TANC1: variants seen among roughly 807,000 people sequenced by gnomAD.
TANC1 encodes tetratricopeptide repeat, ankyrin repeat and coiled-coil containing 1.
TANC1 carries 77 observed loss-of-function variants against 149.7 expected under a neutral mutation model. The ratio of observed to expected loss-of-function variants is 0.51; its 90% confidence interval spans 0.43 to 0.62. The LOEUF (loss-of-function observed/expected upper bound fraction) is 0.62, where lower values mean the gene tolerates loss of function less well. TANC1 is among the 20% of genes least tolerant of loss of function. TANC1 has a pLI of 0.00. For missense variants in TANC1, 1,985 were observed against 2,321.8 expected, an observed-to-expected ratio of 0.85 and a Z score of 2.98; for synonymous variants, 854 against 925.0, an observed-to-expected ratio of 0.92 and a Z score of 1.39.
chr2:159,092,157 A>T (rs1324397608), intron 3 of TANC1, among the ~76,000 whole-genome samples: 1 of 152,200 alleles, frequency 6.6e-6, no homozygotes, highest in Non-Finnish European at 1.5e-5. Context: ...CTAAGCTTCT[A>T]TCGCCCCACC....
intron 2 of TANC1, among the ~76,000 whole-genome samples, chr2:159,021,488 T>C (rs980996438): frequency 6.6e-6 from 1 of 152,140 alleles, no homozygotes; most frequent in African/African-American, 2.4e-5. Flanking sequence ...TCCTAGCTAC[T>C]CAGGAGGCTG....
Position 159,149,177 on chromosome 2 carries a change from G to T in TANC1, c.400G>T (p.Ala134Ser), listed in dbSNP as rs760937683. ...CGATAATGAACCGAGCTGTTCGCCG[G>T]CAGCTCAAGAACTGTTGACAAGGCT... Reference protein sequence around the residue: ...KADNEPSCSPAAQELLTRLGF... With the variant: ...KADNEPSCSPSAQELLTRLGF... Residue 134 changes from alanine to serine, a missense_variant, in exon 6 of 27, where the codon GCA becomes TCA. Ala to Ser is a moderately conservative substitution (Grantham distance 99). Coordinates refer to ENST00000263635, the MANE Select transcript of TANC1 (RefSeq NM_033394.3). 1 of 1,610,196 alleles carries T rather than the reference G, an allele frequency of 6.2e-7. No homozygotes were observed. Among genetic ancestry groups the T allele is most frequent in the South Asian group, 1.1e-5 (1 of 90,616 alleles).
intron 4 of TANC1, among the ~76,000 whole-genome samples, chr2:159,128,551 G>A (rs1461698415): frequency 6.6e-6 from 1 of 152,150 alleles, no homozygotes; most frequent in African/African-American, 2.4e-5. Context: ...TTCCCCCAAG[G>A]TGAATCTTCC....
Position 159,230,937 on chromosome 2 carries a change from T to C in TANC1, c.5511T>C (p.His1837=), listed in dbSNP as rs1198264143. ...AAAGTATCTCCAAACAGCAGCCTCA[T>C]ATTAGTAATGAAGCCCACAGGAGCC... ...YQESISKQQP[H]ISNEAHRSHL... is the part of the protein sequence containing the mutation. Residue 1837 remains histidine (H), a synonymous_variant, in exon 27 of 27, where the codon CAT becomes CAC. Transcript: ENST00000263635. This position sits in a 1 kb window ranked among gnomAD's most constrained non-coding sequence, Gnocchi z 4.4. The C allele has an allele frequency of 6.2e-7, 1 of 1,614,166 alleles. No individual in the cohort carries two copies. The highest frequency in any genetic ancestry group is 1.1e-5 in the South Asian group (1 of 91,080).
chr2:159,217,776 A>T, intron 20 of TANC1, 146 bp downstream of exon 20: 1 of 1,059,842 alleles, frequency 9.4e-7, no homozygotes, highest in East Asian at 2.6e-5. Context: ...GGACTGCTTG[A>T]TAGAGCCACG....
At chr2:159,150,590 C>T (rs1356068254) in intron 7 of TANC1, 34 bp downstream of exon 7, 3 of 1,530,664 alleles carry the variant, frequency 2.0e-6, no homozygotes, top group South Asian at 2.3e-5. Flanking sequence ...CATAATGGCT[C>T]GAATCTCATC....
At chr2:158,990,009 G>A (rs563954730) in intron 1 of TANC1, among the ~76,000 whole-genome samples, 12 of 151,750 alleles carry the variant, frequency 7.9e-5, no homozygotes, top group Admixed American at 1.3e-4. Context: ...TCCACCTCCC[G>A]GGTTCAAGCG....
intron 2 of TANC1, among the ~76,000 whole-genome samples, chr2:159,052,859 A>G (rs528861806): frequency 1.3e-5 from 2 of 152,374 alleles, no homozygotes; most frequent in South Asian, 2.1e-4. Context: ...CAGTAGTTAT[A>G]AAACCTGCTG....
At chr2:159,086,985 G>A (rs2044944687) in intron 3 of TANC1, among the ~76,000 whole-genome samples, 1 of 151,782 alleles carries the variant, frequency 6.6e-6, no homozygotes, top group Non-Finnish European at 1.5e-5. Context: ...TGTTTAGAGG[G>A]GTGGGTGGGG....
At chr2:158,969,254 C>T (rs552129659) in intron 1 of TANC1, among the ~76,000 whole-genome samples, 28 of 152,254 alleles carry the variant, frequency 1.8e-4, no homozygotes, top group African/African-American at 6.5e-4. Context: ...CCTGGCACCG[C>T]GGGGTCCTGG....
At chr2:159,039,301 A>G (rs1407673865) in intron 2 of TANC1, among the ~76,000 whole-genome samples, 1 of 151,940 alleles carries the variant, frequency 6.6e-6, no homozygotes, top group Non-Finnish European at 1.5e-5. Flanking sequence ...CAGCTCCTGG[A>G]TTCATTATTA....
chr2:159,018,137 A>G (rs1391444095), intron 2 of TANC1, among the ~76,000 whole-genome samples: 2 of 152,186 alleles, frequency 1.3e-5, no homozygotes, highest in Non-Finnish European at 2.9e-5. Flanking sequence ...GAGAGAAAAG[A>G]GAGAATGAGG....
At chr2:159,124,118 G>C (rs1358784902) in intron 4 of TANC1, among the ~76,000 whole-genome samples, 1 of 152,198 alleles carries the variant, frequency 6.6e-6, no homozygotes, top group Non-Finnish European at 1.5e-5. Flanking sequence ...AGCACTTTGG[G>C]AAGCTGAGGC....
chr2:159,157,968 G>A (rs113434893), intron 7 of TANC1, among the ~76,000 whole-genome samples: 7 of 152,066 alleles, frequency 4.6e-5, no homozygotes, highest in African/African-American at 7.2e-5. Context: ...CTCAAAATGC[G>A]TATTTTCTAT....
intron 1 of TANC1, among the ~76,000 whole-genome samples, chr2:158,973,529 T>C (rs1343981679): frequency 6.6e-6 from 1 of 152,238 alleles, no homozygotes; most frequent in Non-Finnish European, 1.5e-5. Context: ...CATCCAGAAT[T>C]GGCCTTTTTG....
intron 1 of TANC1, among the ~76,000 whole-genome samples, chr2:158,986,649 T>G (rs545426326): frequency 6.6e-6 from 1 of 152,258 alleles, no homozygotes; most frequent in Non-Finnish European, 1.5e-5. Context: ...TGAGAAATGT[T>G]TGGCTTTCCC....
chr2:159,191,146 G>A (rs2057411730), intron 16 of TANC1, among the ~76,000 whole-genome samples: 2 of 152,148 alleles, frequency 1.3e-5, no homozygotes, highest in African/African-American at 2.4e-5. Flanking sequence ...TGTAGACAGC[G>A]GGGTGGTGGT....
intron 4 of TANC1, among the ~76,000 whole-genome samples, chr2:159,120,880 C>T (rs1434266095): frequency 6.6e-6 from 1 of 152,166 alleles, no homozygotes; most frequent in Non-Finnish European, 1.5e-5. Flanking sequence ...AGATTACAGG[C>T]ATGAGCCACC....
At chr2:159,023,683 A>G (rs1450740346) in intron 2 of TANC1, among the ~76,000 whole-genome samples, 1 of 152,100 alleles carries the variant, frequency 6.6e-6, no homozygotes, top group Non-Finnish European at 1.5e-5. Context: ...TGTCAAAAAT[A>G]AGGCCAAGTG....
Sources: allele counts gnomAD v4.1 joint callset (sites outside exome capture counted in the v4.1 genomes callset), GRCh38; gene constraint gnomAD v4.1.1; non-coding constraint Gnocchi (gnomAD v3.1); transcripts MANE v1.5; gene names NCBI Gene and HGNC (gene_info 2026-07-23, HGNC 2026-07-21).